Variants in MYO7A observed in about 807,000 individuals in gnomAD.
MYO7A encodes the protein unconventional myosin-VIIa.
In MYO7A, 210 loss-of-function variants were observed where a neutral mutation model predicts 263.8. The ratio of observed to expected loss-of-function variants is 0.80; its 90% CI spans 0.71 to 0.89. The LOEUF is 0.89. Among genes scored for constraint, MYO7A ranks in the 40% least tolerant of loss-of-function variants. The probability of loss-of-function intolerance (pLI) is 0.00; values close to 1 mark genes in which losing one functional copy is unlikely to be tolerated. For synonymous variants in MYO7A, 1,239 were observed against 1,197.3 expected, an observed-to-expected ratio of 1.03 and a Z score of -0.72; for missense variants, 2,820 against 2,968.3, an observed-to-expected ratio of 0.95 and a Z score of 1.16.
At position 77,156,695 on chromosome 11, in the gene MYO7A, A is replaced by G. The variant is rs782258764; in HGVS notation, c.506A>G (p.Lys169Arg). The change falls in exon 6 of 49, where the codon AAG becomes AGG. Residue 169 changes from lysine to arginine, a missense_variant. Lys to Arg is a conservative substitution (Grantham distance 26). Coordinates refer to ENST00000409709, the MANE Select transcript of MYO7A (RefSeq NM_000260.4). ...ESGAGKTESTKLILQFLAAIS... is the reference protein window; with the variant it reads ...ESGAGKTESTRLILQFLAAIS... The stretch of plus-strand genomic sequence containing the variant: ...GGGGCCGGGAAGACGGAGAGCACAA[A>G]GCTGATCCTGCAGTTCCTGGCAGCC... 4 of 1,613,810 alleles carry G rather than the reference A, an allele frequency of 2.5e-6. No individual in the cohort carries two copies. The East Asian group carries it at 6.7e-5, about 27-fold the overall frequency.
chr11:77,204,057 C>A lies in MYO7A; in HGVS notation c.5327-19C>A. ...GTGCTCCCTCTATTCGGCACAAGCC[C>A]TTCCTTGACAGTCCCCAGCTGTGCT... On this transcript the variant is annotated intron_variant, in intron 38 of 48. Transcript: ENST00000409709. The A allele has an allele frequency of 6.3e-7, 1 of 1,589,594 alleles. No individual in the cohort carries two copies. Among genetic ancestry groups the A allele is most frequent in the Non-Finnish European group, 8.6e-7 (1 of 1,167,392 alleles).
chr11:77,194,580 G>A, intron 32 of MYO7A, 56 bp downstream of exon 32: 4 of 1,509,868 alleles, frequency 2.6e-6, no homozygotes, highest in Non-Finnish European at 3.6e-6. Context: ...CAACCAAGGA[G>A]GTCCCAGGCC....
intron 14 of MYO7A, among the ~76,000 whole-genome samples, chr11:77,163,981 T>TG (rs200877186): frequency 0.012 from 1,788 of 151,586 alleles, 39 homozygotes; most frequent in African/African-American, 0.04. Flanking sequence ...CAGAACAAGG[T>TG]GGGGGGGGCT....
In MYO7A at chr11:77,161,030, A is replaced by T. The variant is rs782539587; in HGVS notation, c.1258A>T (p.Lys420Ter). Residue 420 changes from lysine to a stop codon, truncating the protein, a stop_gained, in exon 12 of 49, where the codon AAG becomes TAG. Transcript: ENST00000409709. LOFTEE classifies it high-confidence loss of function. ...IVDKINAAIY[K>*]PPSQDVKNSR... ...GGACAAGATCAACGCAGCAATTTAC[A>T]AGCCTCCCTCCCAGGATGTGAAGAA... The T allele has an allele frequency of 8.7e-6, 14 of 1,613,518 alleles. No homozygotes were observed. The highest frequency in any genetic ancestry group is 1.7e-4 in the Middle Eastern group (1 of 6,060).
In MYO7A at chr11:77,199,634, G is replaced by A. The variant is rs376892582; in HGVS notation, c.4668G>A (p.Pro1556=). ...TGACCCCGGCGGGGCCCTGTTCTCC[G>A]TGTTGGTCCTGCAGGGGAGCGAAAA... ...AGLTPAGPCS[P]CWSCRGAKTT... Residue 1556 remains proline, a synonymous_variant, in exon 35 of 49, where the codon CCG becomes CCA. Transcript: ENST00000409709. 194 of 1,610,882 alleles carry A rather than the reference G, an allele frequency of 1.2e-4. No individual in the cohort carries two copies. The African/African-American group carries it at 1.9e-3, about 16-fold the overall frequency.
intron 48 of MYO7A, 107 bp downstream of exon 48, chr11:77,214,086 T>C: frequency 6.7e-7 from 1 of 1,499,268 alleles, no homozygotes; most frequent in South Asian, 1.2e-5. Context: ...GGGCCTGGGG[T>C]CGTGGGCAAG....
At chr11:77,166,422 AG>A (rs1953553889) in intron 15 of MYO7A, among the ~76,000 whole-genome samples, 1 of 152,192 alleles carries the variant, frequency 6.6e-6, no homozygotes, top group Non-Finnish European at 1.5e-5. Context: ...AGAACCGGTC[AG>A]GGATCGGTTT....
intron 4 of MYO7A, among the ~76,000 whole-genome samples, chr11:77,150,210 TC>T (rs1951867026): frequency 6.6e-6 from 1 of 152,192 alleles, no homozygotes; most frequent in African/African-American, 2.4e-5. Flanking sequence ...ATGGAAGTTT[TC>T]CCGCCGGGCC....
chr11:77,172,699 T>A, intron 15 of MYO7A, 49 bp from the exon 16 acceptor site: 1 of 1,545,194 alleles, frequency 6.5e-7, no homozygotes, highest in Non-Finnish European at 8.7e-7. Flanking sequence ...CCTGGGACAC[T>A]GGATGGGGCA....
chr11:77,203,067 C>G lies in MYO7A; in HGVS notation c.5176C>G (p.Pro1726Ala), dbSNP rs1565469008. 6.5e-7 allele frequency: 1 copy of G among 1,547,978 alleles called. No homozygotes were observed. The highest frequency in any genetic ancestry group is 2.0e-5 in the Admixed American group (1 of 50,990). The change falls in exon 38 of 49, where the codon CCC (proline) becomes GCC (alanine). Residue 1726 changes from proline (P) to alanine (A), a missense_variant. Transcript: ENST00000409709. ...EFSYDYFRPPPKHTLSRVMVS... is the reference protein window; with the variant it reads ...EFSYDYFRPPAKHTLSRVMVS... ...GTCCCTGTGCTGCGGCAGGCCCCCA[C>G]CCAAGCACACGCTGAGCCGTGTCAT...
intron 4 of MYO7A, 27 bp downstream of exon 4, chr11:77,147,977 T>C (rs1368187835): frequency 1.3e-6 from 2 of 1,511,066 alleles, no homozygotes; most frequent in East Asian, 2.6e-5. Flanking sequence ...CCGGTGCCCG[T>C]CCAGGCCCCC....
chr11:77,182,541 G>A lies in MYO7A; in HGVS notation c.3226G>A (p.Glu1076Lys), dbSNP rs1955328510. 2.5e-6 allele frequency: 4 copies of A among 1,613,444 alleles called. No individual in the cohort carries two copies. The highest frequency in any genetic ancestry group is 1.7e-6 in the Non-Finnish European group (2 of 1,179,876). Residue 1076 changes from glutamate to lysine, a missense_variant, in exon 25 of 49, where the codon GAG (glutamate) becomes AAG (lysine). Coordinates refer to ENST00000409709, the MANE Select transcript of MYO7A (RefSeq NM_000260.4). ...GATCCCTGTGATGACCAAGATTTAT[G>A]AGACCCTGGGCAAGAAGACGTACAA... ...EKIPVMTKIY[E>K]TLGKKTYKRE... is the part of the protein sequence containing the mutation.
At chr11:77,158,225 TG>T (rs781909070) in intron 8 of MYO7A, 51 bp from the exon 9 acceptor site, 27 of 1,512,640 alleles carry the variant, frequency 1.8e-5, no homozygotes, top group Non-Finnish European at 2.2e-5. Flanking sequence ...ACTGCCCCTC[TG>T]GGGGTACACT....
intron 14 of MYO7A, among the ~76,000 whole-genome samples, chr11:77,164,235 C>T (rs1391456465): frequency 3.3e-5 from 5 of 152,090 alleles, no homozygotes; most frequent in Non-Finnish European, 7.4e-5. Context: ...TGCAGACTGC[C>T]CTTGCCAATC....
Position 77,162,301 on chromosome 11 carries a change from C to G in MYO7A, c.1525C>G (p.Leu509Val). The change falls in exon 13 of 49, where the codon CTC becomes GTC. Residue 509 changes from leucine to valine, a missense_variant. Coordinates refer to ENST00000409709, the MANE Select transcript of MYO7A (RefSeq NM_000260.4). ...CAACAAGCCCATGAACATCATCTCC[C>G]TCATCGATGAGGAGAGCAAGTTCCC... ...IANKPMNIIS[L>V]IDEESKFPKG... The G allele has an allele frequency of 9.0e-6, 14 of 1,552,088 alleles. No homozygotes were observed. The highest frequency in any genetic ancestry group is 1.2e-5 in the Non-Finnish European group (14 of 1,147,214).
At position 77,172,846 on chromosome 11, in the gene MYO7A, T is replaced by C. The variant is rs1954249274; in HGVS notation, c.1896T>C (p.Phe632=). ...MRTLGACQPF[F]VRCIKPNEFK... ...CGCTGGGTGCCTGCCAGCCCTTCTTTGTGCGATGCATCAAGCCCAATGAGT... is the reference window on the plus strand; with the variant it reads ...CGCTGGGTGCCTGCCAGCCCTTCTTCGTGCGATGCATCAAGCCCAATGAGT... The change falls in exon 16 of 49, where the codon TTT becomes TTC. Residue 632 remains phenylalanine (F), a synonymous_variant. Coordinates refer to ENST00000409709, the MANE Select transcript of MYO7A (RefSeq NM_000260.4). 6.4e-7 allele frequency: 1 copy of C among 1,552,266 alleles called. No homozygotes were observed. The highest frequency in any genetic ancestry group is 8.7e-7 in the Non-Finnish European group (1 of 1,147,364).
Position 77,189,387 on chromosome 11 carries a change from C to G in MYO7A, c.3547C>G (p.Pro1183Ala). Residue 1183 changes from proline to alanine, a missense_variant, in exon 28 of 49, where the codon CCC becomes GCC. Transcript: ENST00000409709. ...CQISKQLTHNPSKSSYARGWI... is the reference protein window; with the variant it reads ...CQISKQLTHNASKSSYARGWI... ...GATCAGCAAGCAGCTGACCCACAAC[C>G]CCTCCAAGAGCAGCTATGCCCGGGG... 6.2e-7 allele frequency: 1 copy of G among 1,613,846 alleles called. No homozygotes were observed. The highest frequency in any genetic ancestry group is 8.5e-7 in the Non-Finnish European group (1 of 1,179,902).
At chr11:77,178,553 C>CTGAATGTAGAGACCA (rs1367872790) in intron 19 of MYO7A, among the ~76,000 whole-genome samples, 4 of 152,192 alleles carry the variant, frequency 2.6e-5, no homozygotes, top group Non-Finnish European at 5.9e-5. Context: ...CAGCAGACCC[C>CTGAATGTAGAGACCA]TGCTGTCTGT....
At chr11:77,152,872 G>T (rs1952094001) in intron 4 of MYO7A, among the ~76,000 whole-genome samples, 1 of 152,132 alleles carries the variant, frequency 6.6e-6, no homozygotes, top group Admixed American at 6.5e-5. Context: ...CTGGACGAAG[G>T]GGTAGGGGAA....
Sources: allele counts gnomAD v4.1 joint callset (sites outside exome capture counted in the v4.1 genomes callset), GRCh38; gene constraint gnomAD v4.1.1; transcripts MANE v1.5; gene names NCBI Gene and HGNC (gene_info 2026-07-23, HGNC 2026-07-21).